Variants in ZFHX3 observed in about 807,000 individuals in gnomAD.
ZFHX3 encodes the protein zinc finger homeobox protein 3.
A neutral mutation model predicts 279.1 loss-of-function variants in ZFHX3; 42 were observed. The ratio of observed to expected loss-of-function variants is 0.15; its 90% CI spans 0.12 to 0.19. ZFHX3 has a LOEUF of 0.19. ZFHX3 is among the 10% of genes least tolerant of loss of function. The pLI is 1.00. For missense variants in ZFHX3, 4,981 were observed against 4,754.0 expected (o/e 1.05, Z -1.40); for synonymous variants, 2,293 against 1,957.8 (o/e 1.17, Z -4.52).
At chr16:73,065,266 G>T (rs1211732201) in intron 8 of ZFHX3, among the ~76,000 whole-genome samples, 1 of 152,190 alleles carries the variant, frequency 6.6e-6, no homozygotes, top group African/African-American at 2.4e-5. Flanking sequence ...ACACGCAGGC[G>T]TGCGATAACG....
intron 1 of ZFHX3, among the ~76,000 whole-genome samples, chr16:73,032,637 G>A (rs1964746789): frequency 6.6e-6 from 1 of 151,984 alleles, no homozygotes; most frequent in Non-Finnish European, 1.5e-5. Flanking sequence ...CTACAGATGG[G>A]GGCCTCCCAA....
intron 2 of ZFHX3, among the ~76,000 whole-genome samples, chr16:73,647,539 G>A (rs2052631554): frequency 6.6e-6 from 1 of 152,056 alleles, no homozygotes; most frequent in African/African-American, 2.4e-5. Context: ...AGTTTCCTGA[G>A]GCCTCCCAGT....
At chr16:72,925,350 T>C (rs1311617042) in intron 3 of ZFHX3, among the ~76,000 whole-genome samples, 2 of 152,234 alleles carry the variant, frequency 1.3e-5, no homozygotes, top group Non-Finnish European at 2.9e-5. Context: ...AGCTAGCTTA[T>C]ACTTTTTAAA....
intron 1 of ZFHX3, among the ~76,000 whole-genome samples, chr16:73,804,432 A>C (rs1259093132): frequency 2.0e-5 from 3 of 152,204 alleles, no homozygotes; most frequent in Admixed American, 2.0e-4. Context: ...CATAGGTGAT[A>C]CCCAGTATAT....
chr16:73,021,651 T>C (rs1207553788), intron 1 of ZFHX3, among the ~76,000 whole-genome samples: 1 of 151,176 alleles, frequency 6.6e-6, no homozygotes, highest in Admixed American at 6.6e-5. Context: ...GCCAACATAG[T>C]GAAACCCTGT....
At chr16:73,508,856 C>G (rs975580980) in intron 2 of ZFHX3, among the ~76,000 whole-genome samples, 10 of 152,184 alleles carry the variant, frequency 6.6e-5, no homozygotes, top group Non-Finnish European at 1.5e-4. Context: ...GACACTTCAA[C>G]CAACGTAAGA....
intron 3 of ZFHX3, among the ~76,000 whole-genome samples, chr16:73,331,517 A>G (rs141438742): frequency 6.6e-6 from 1 of 152,318 alleles, no homozygotes; most frequent in East Asian, 1.9e-4. Context: ...GCCACAGAAC[A>G]AAACCATGCT....
intron 1 of ZFHX3, among the ~76,000 whole-genome samples, chr16:72,989,718 C>G (rs941401779): frequency 6.6e-6 from 1 of 152,182 alleles, no homozygotes; most frequent in African/African-American, 2.4e-5. Flanking sequence ...AAGCAAGATG[C>G]AGCACACAGA....
At position 73,634,484 on chromosome 16, in the gene ZFHX3, A is replaced by T. The variant is rs1294259736; in HGVS notation, c.-1547+45696T>A. Among the ~76,000 whole-genome samples, 3 of 147,690 alleles carry T rather than the reference A, an allele frequency of 2.0e-5. No individual in the cohort carries two copies. The East Asian group carries it at 5.8e-4, about 29-fold the overall frequency. On this transcript the variant is annotated intron_variant, in intron 2 of 17. Transcript: ENST00000641206. ...TATAAAATATATATGTAAAAGTCAT[A>T]ACCCCATTAACACTCATTGTTGGCC...
intron 4 of ZFHX3, among the ~76,000 whole-genome samples, chr16:72,874,139 G>A (rs1424767687): frequency 6.6e-6 from 1 of 150,906 alleles, no homozygotes; most frequent in African/African-American, 2.4e-5. Flanking sequence ...CTTTCGTGAC[G>A]CATGCACTCT....
intron 9 of ZFHX3, among the ~76,000 whole-genome samples, chr16:72,792,680 G>C (rs2035752892): frequency 6.6e-6 from 1 of 152,116 alleles, no homozygotes; most frequent in Admixed American, 6.5e-5. Context: ...TCGATTTCCT[G>C]ACCTTGTGAT....
chr16:72,983,304 T>A lies in ZFHX3; in HGVS notation c.-49-23110A>T, dbSNP rs190230223. On this transcript the variant is annotated intron_variant, in intron 1 of 9. Transcript: ENST00000268489. ...CTTTCCAATTCATGGAATGAGGTAATCTGGGCAGAGGAAGGGTGGGGGCAG... is the reference window on the plus strand; with the variant it reads ...CTTTCCAATTCATGGAATGAGGTAAACTGGGCAGAGGAAGGGTGGGGGCAG... 8.5e-4 allele frequency among the ~76,000 whole-genome samples: 129 copies of A among 152,286 alleles called. 1 individual carries two copies. The highest frequency in any genetic ancestry group is 1.5e-3 in the Non-Finnish European group (103 of 68,022).
intron 2 of ZFHX3, among the ~76,000 whole-genome samples, chr16:73,557,941 G>A (rs1291465143): frequency 6.6e-6 from 1 of 152,132 alleles, no homozygotes; most frequent in Admixed American, 6.5e-5. Flanking sequence ...CCATTCTGGA[G>A]CCTCTCTGTG....
Position 73,624,836 on chromosome 16 carries a change from T to A in ZFHX3, c.-1547+55344A>T, listed in dbSNP as rs140974490. On this transcript the variant is annotated intron_variant, in intron 2 of 17. Transcript: ENST00000641206. ...TCTTACTCCAGGTAGTGAGGCCAGA[T>A]GCTGCTTCATGCTCAAAGATGCTTC... Among the ~76,000 whole-genome samples, 234 of 152,328 alleles carry A rather than the reference T, an allele frequency of 1.5e-3. 1 individual carries two copies. Among genetic ancestry groups the A allele is most frequent in the Non-Finnish European group, 2.7e-3 (182 of 68,034 alleles).
chr16:73,794,917 T>C (rs1222479459), intron 1 of ZFHX3, among the ~76,000 whole-genome samples: 4 of 152,222 alleles, frequency 2.6e-5, no homozygotes, highest in African/African-American at 9.6e-5. Context: ...TGAAGGGAGA[T>C]GCCTCTGTTC....
chr16:73,521,000 T>G (rs139125589), intron 2 of ZFHX3, among the ~76,000 whole-genome samples: 170 of 152,320 alleles, frequency 1.1e-3, no homozygotes, highest in African/African-American at 4.0e-3. Context: ...AAATAATCCT[T>G]GGACCCTTCA....
chr16:73,890,542 G>C (rs995840918), intron 1 of ZFHX3, among the ~76,000 whole-genome samples: 1 of 152,038 alleles, frequency 6.6e-6, no homozygotes, highest in Non-Finnish European at 1.5e-5. Context: ...TGAAAGATTC[G>C]GTTTTTTAAT....
intron 2 of ZFHX3, among the ~76,000 whole-genome samples, chr16:73,613,438 C>CTTTTTTTTTT (rs5817854): frequency 6.7e-6 from 1 of 149,124 alleles, no homozygotes; most frequent in Non-Finnish European, 1.5e-5. Flanking sequence ...TTAGCTTTTG[C>CTTTTTTTTTT]TTTTTTTGTT....
Position 72,959,583 on chromosome 16 carries a change from G to A in ZFHX3, c.563C>T (p.Ala188Val), listed in dbSNP as rs987577316. 5.6e-6 allele frequency: 9 copies of A among 1,614,058 alleles called. No individual in the cohort carries two copies. The highest frequency in any genetic ancestry group is 4.0e-5 in the African/African-American group (3 of 74,942). Residue 188 changes from alanine (A) to valine (V), a missense_variant, in exon 2 of 10, where the codon GCA becomes GTA. Around this residue, in one of 7 missense-constraint regions of ZFHX3, gnomAD observed 1,068 missense variants for 935.2 expected, o/e 1.14. Coordinates refer to ENST00000268489, the MANE Select transcript of ZFHX3 (RefSeq NM_006885.4). ...GTTGATGATCTGCGGGTACACGGGTGCAGCACACGAAGGGTCCCCTTGCTT... is the reference window on the plus strand; with the variant it reads ...GTTGATGATCTGCGGGTACACGGGTACAGCACACGAAGGGTCCCCTTGCTT... ...GGKQGDPSCA[A>V]PVYPQIINTF...
Sources: gnomAD v4.1 joint callset for allele counts (sites outside exome capture counted in the v4.1 genomes callset) on GRCh38, gnomAD v4.1.1 for gene constraint, gnomAD v4.1.1 regional missense constraint, MANE v1.5 for transcripts, NCBI Gene and HGNC (gene_info 2026-07-23, HGNC 2026-07-21) for gene names.